Variants in RAVER2 observed in about 807,000 individuals in gnomAD.
The protein encoded by RAVER2 is ribonucleoprotein, PTB binding 2.
RAVER2 carries 46 observed loss-of-function variants against 78.1 expected under a neutral mutation model. That is an observed-to-expected ratio of 0.59 (90% CI 0.46 to 0.75). RAVER2 has a LOEUF of 0.75. Among genes scored for constraint, RAVER2 ranks in the 30% least tolerant of loss-of-function variants. The pLI is 0.00. For missense variants in RAVER2, 793 were observed against 837.5 expected (o/e 0.95, Z 0.66); for synonymous variants, 311 against 313.3 (o/e 0.99, Z 0.08).
chr1:64,755,074 A>G (rs1399889238), intron 1 of RAVER2, among the ~76,000 whole-genome samples: 1 of 152,220 alleles, frequency 6.6e-6, no homozygotes, highest in Admixed American at 6.5e-5. Flanking sequence ...GTAAATTTTT[A>G]AAGAGGTTTT....
At chr1:64,807,932 A>G (rs563672335) in intron 9 of RAVER2, among the ~76,000 whole-genome samples, 32 of 152,324 alleles carry the variant, frequency 2.1e-4, no homozygotes, top group African/African-American at 6.5e-4. Flanking sequence ...AGGAGTATCA[A>G]TGCTTATTCG....
At position 64,764,381 on chromosome 1, in the gene RAVER2, A is replaced by G. The variant is rs1363122399; in HGVS notation, c.250-4275A>G. 2.7e-5 allele frequency among the ~76,000 whole-genome samples: 4 copies of G among 150,606 alleles called. No homozygotes were observed. The South Asian group carries it at 8.4e-4, about 32-fold the overall frequency. On this transcript the variant is annotated intron_variant, in intron 1 of 11. Coordinates refer to ENST00000294428, the Ensembl canonical transcript of RAVER2. The stretch of plus-strand genomic sequence containing the variant: ...ACTATTTTCCCATATGGGAAAAGGG[A>G]AAAAAAAACAGCACACAAAAATGAA...
At chr1:64,813,015 A>T (rs1274572023) in intron 10 of RAVER2, among the ~76,000 whole-genome samples, 166 bp downstream of exon 10, 2 of 152,218 alleles carry the variant, frequency 1.3e-5, no homozygotes, top group Non-Finnish European at 2.9e-5. Context: ...GACACTCAAA[A>T]TGCGTGCTAT....
chr1:64,792,603 T>G (rs1169037395), intron 5 of RAVER2, among the ~76,000 whole-genome samples: 2 of 152,346 alleles, frequency 1.3e-5, no homozygotes, highest in East Asian at 3.9e-4. Context: ...TTATACTTAG[T>G]GCTTTCTCAA....
chr1:64,767,877 C>T (rs561975030), intron 1 of RAVER2, among the ~76,000 whole-genome samples: 1 of 151,942 alleles, frequency 6.6e-6, no homozygotes, highest in South Asian at 2.1e-4. Flanking sequence ...AGGAAATCTA[C>T]TCTTTTGGGC....
intron 4 of RAVER2, among the ~76,000 whole-genome samples, chr1:64,785,219 G>GT (rs1202575298): frequency 6.6e-6 from 1 of 152,084 alleles, no homozygotes; most frequent in Non-Finnish European, 1.5e-5. Flanking sequence ...AGTTTTCTGA[G>GT]TTTTTTAATG....
At chr1:64,803,211 C>T in intron 6 of RAVER2, 150 bp downstream of exon 6, 1 of 554,132 alleles carries the variant, frequency 1.8e-6, no homozygotes, top group Non-Finnish European at 3.1e-6. Context: ...AAAATCATAA[C>T]TTATTGAGTA....
At chr1:64,748,756 G>A (rs1223745289) in intron 1 of RAVER2, among the ~76,000 whole-genome samples, 1 of 152,202 alleles carries the variant, frequency 6.6e-6, no homozygotes, top group African/African-American at 2.4e-5. Context: ...TGAAAAGCAT[G>A]AAATGATAGG....
At chr1:64,785,939 T>C (rs1267113527) in intron 4 of RAVER2, among the ~76,000 whole-genome samples, 4 of 152,206 alleles carry the variant, frequency 2.6e-5, no homozygotes, top group African/African-American at 9.6e-5. Context: ...ATTACTTCCT[T>C]CTAGGGCATT....
intron 9 of RAVER2, among the ~76,000 whole-genome samples, chr1:64,808,164 A>T (rs1181021141): frequency 1.3e-5 from 2 of 152,178 alleles, no homozygotes; most frequent in Non-Finnish European, 2.9e-5. Context: ...GATTTTACCG[A>T]ATCATTTTAT....
intron 11 of RAVER2, among the ~76,000 whole-genome samples, chr1:64,827,237 G>A (rs975876135): frequency 1.3e-5 from 2 of 152,210 alleles, no homozygotes; most frequent in African/African-American, 4.8e-5. Flanking sequence ...GAAATAGAAA[G>A]CAAAGCATCA....
chr1:64,795,256 C>T (rs1181702764), intron 5 of RAVER2, among the ~76,000 whole-genome samples: 1 of 152,080 alleles, frequency 6.6e-6, no homozygotes, highest in Non-Finnish European at 1.5e-5. Flanking sequence ...GTAAGTCCTT[C>T]AACTTTATTC....
At chr1:64,822,262 C>T (rs908147936) in intron 11 of RAVER2, among the ~76,000 whole-genome samples, 2 of 152,286 alleles carry the variant, frequency 1.3e-5, no homozygotes, top group East Asian at 1.9e-4. Flanking sequence ...CACTCCAGCC[C>T]AGGTGACAGA....
chr1:64,818,278 TG>T (rs1323720024), intron 11 of RAVER2, among the ~76,000 whole-genome samples: 2 of 152,228 alleles, frequency 1.3e-5, no homozygotes, highest in African/African-American at 4.8e-5. Context: ...GGCTCACACC[TG>T]TAATCCCAGC....
chr1:64,762,616 G>C (rs1652053098), intron 1 of RAVER2, among the ~76,000 whole-genome samples: 1 of 152,088 alleles, frequency 6.6e-6, no homozygotes, highest in Non-Finnish European at 1.5e-5. Context: ...ACAGAATATA[G>C]CAACTCAGTA....
chr1:64,753,371 T>C (rs1293589805), intron 1 of RAVER2, among the ~76,000 whole-genome samples: 1 of 152,004 alleles, frequency 6.6e-6, no homozygotes, highest in Non-Finnish European at 1.5e-5. Flanking sequence ...AAAAAAAATA[T>C]TTTTGTTTCA....
At chr1:64,770,996 T>A (rs1391337235) in intron 2 of RAVER2, among the ~76,000 whole-genome samples, 2 of 151,668 alleles carry the variant, frequency 1.3e-5, no homozygotes, top group Non-Finnish European at 2.9e-5. Flanking sequence ...TAAAAAAAAA[T>A]TAAAGAATTA....
intron 4 of RAVER2, among the ~76,000 whole-genome samples, 165 bp downstream of exon 4, chr1:64,781,736 T>C (rs1190022636): frequency 6.6e-6 from 1 of 152,214 alleles, no homozygotes; most frequent in Non-Finnish European, 1.5e-5. Context: ...AGCTAAATGG[T>C]TTCCTTGTTA....
intron 11 of RAVER2, among the ~76,000 whole-genome samples, chr1:64,822,999 G>A (rs1255963500): frequency 2.0e-5 from 3 of 152,192 alleles, no homozygotes; most frequent in African/African-American, 7.2e-5. Context: ...GAGAATGTAA[G>A]TAGATAGTGG....
Sources: allele counts gnomAD v4.1 joint callset (sites outside exome capture counted in the v4.1 genomes callset), GRCh38; gene constraint gnomAD v4.1.1; transcripts MANE v1.5; gene names NCBI Gene and HGNC (gene_info 2026-07-23, HGNC 2026-07-21).